The following DPP10 variants were observed in gnomAD, a reference collection of about 807,000 sequenced individuals.
DPP10 encodes the protein inactive dipeptidyl peptidase 10.
A neutral mutation model predicts 120.9 loss-of-function variants in DPP10; 33 were observed. That is an observed-to-expected ratio of 0.27 (90% CI 0.21 to 0.37). The LOEUF (loss-of-function observed/expected upper bound fraction) is 0.37. Among genes scored for constraint, DPP10 ranks in the 10% least tolerant of loss-of-function variants. The probability of loss-of-function intolerance (pLI) is 1.00; values close to 1 mark genes in which losing one functional copy is unlikely to be tolerated. For synonymous variants in DPP10, 337 were observed against 326.1 expected (o/e 1.03, Z -0.36); for missense variants, 816 against 942.8 (o/e 0.87, Z 1.76).
intron 1 of DPP10, among the ~76,000 whole-genome samples, chr2:114,600,561 A>C (rs1692277822): frequency 6.6e-6 from 1 of 151,824 alleles, no homozygotes; most frequent in Admixed American, 6.6e-5. Flanking sequence ...TGGTTATGAA[A>C]GAAATCAAGG....
At chr2:114,672,286 A>C (rs576315232) in intron 1 of DPP10, among the ~76,000 whole-genome samples, 1 of 152,296 alleles carries the variant, frequency 6.6e-6, no homozygotes, top group Non-Finnish European at 1.5e-5. Context: ...AAAAAAGAGC[A>C]CTTGGAAGAA....
chr2:115,566,361 T>A lies in DPP10; in HGVS notation c.441+40389T>A, dbSNP rs540951414. Reference sequence around the variant, plus strand: ...TTTTTTCTATATGGTGGTTTTTCTCTTCATTTTTTTCTATGCTAATTAATT... The same window carrying A: ...TTTTTTCTATATGGTGGTTTTTCTCATCATTTTTTTCTATGCTAATTAATT... On this transcript the variant is annotated intron_variant, in intron 5 of 25. Transcript: ENST00000410059. Among the ~76,000 whole-genome samples the A allele has an allele frequency of 1.6e-4, 24 of 152,196 alleles. 1 individual carries two copies. Among genetic ancestry groups the A allele is most frequent in the South Asian group, 4.1e-4 (2 of 4,832 alleles).
chr2:115,441,430 T>C lies in DPP10; in HGVS notation c.272-58080T>C, dbSNP rs2072036118. Reference sequence around the variant, plus strand: ...GGGGGATGAAGTTGGAAAGGACTTTTTATGTGACCTAGAATCATCTGTTTG... The same window carrying C: ...GGGGGATGAAGTTGGAAAGGACTTTCTATGTGACCTAGAATCATCTGTTTG... On this transcript the variant is annotated intron_variant, in intron 3 of 25. Coordinates refer to ENST00000410059, the MANE Select transcript of DPP10 (RefSeq NM_020868.6). 2.0e-5 allele frequency among the ~76,000 whole-genome samples: 3 copies of C among 152,318 alleles called. 1 individual carries two copies. The highest frequency in any genetic ancestry group is 7.2e-5 in the African/African-American group (3 of 41,578).
intron 1 of DPP10, among the ~76,000 whole-genome samples, chr2:115,279,413 C>A (rs1314687789): frequency 6.6e-6 from 1 of 151,984 alleles, no homozygotes; most frequent in Non-Finnish European, 1.5e-5. Flanking sequence ...ACTCAAAATG[C>A]CTAGCATGAA....
chr2:115,433,549 A>G (rs1002764777), intron 3 of DPP10, among the ~76,000 whole-genome samples: 1 of 152,034 alleles, frequency 6.6e-6, no homozygotes, highest in Non-Finnish European at 1.5e-5. Flanking sequence ...CATAAGCAAG[A>G]TACCATTCTC....
intron 3 of DPP10, among the ~76,000 whole-genome samples, chr2:115,374,711 T>A (rs553596851): frequency 1.3e-5 from 2 of 152,352 alleles, no homozygotes; most frequent in South Asian, 4.1e-4. Context: ...TCATCTCTTG[T>A]CTTCTGCACA....
intron 3 of DPP10, among the ~76,000 whole-genome samples, chr2:115,414,551 T>G (rs146205335): frequency 6.6e-6 from 1 of 152,186 alleles, no homozygotes; most frequent in African/African-American, 2.4e-5. Flanking sequence ...TGTATATTTT[T>G]ATGAAACTGA....
chr2:115,790,959 T>G, intron 17 of DPP10, 122 bp from the exon 18 acceptor site: 1 of 579,070 alleles, frequency 1.7e-6, no homozygotes. Context: ...AAAAGAGAAA[T>G]GATGAGTTAA....
intron 1 of DPP10, among the ~76,000 whole-genome samples, chr2:114,659,958 TCA>T (rs1697269050): frequency 6.6e-6 from 1 of 152,192 alleles, no homozygotes; most frequent in Non-Finnish European, 1.5e-5. Flanking sequence ...AGATTCTCTC[TCA>T]CAGTCTTCAG....
chr2:115,309,023 C>T (rs975454), intron 1 of DPP10, among the ~76,000 whole-genome samples: 28,767 of 151,916 alleles, frequency 0.19, 3,042 homozygotes, highest in East Asian at 0.35. Context: ...AAGCATAAAA[C>T]GCTGCTGGTT....
At chr2:114,912,187 C>A (rs1299161087) in intron 1 of DPP10, among the ~76,000 whole-genome samples, 3 of 151,988 alleles carry the variant, frequency 2.0e-5, no homozygotes, top group Admixed American at 6.6e-5. Flanking sequence ...AGAGTAAGAA[C>A]CAAGGAGACT....
At chr2:115,499,666 G>T in intron 4 of DPP10, 62 bp downstream of exon 4, 1 of 1,234,306 alleles carries the variant, frequency 8.1e-7, no homozygotes, top group Non-Finnish European at 1.1e-6. Flanking sequence ...CTCTCTAGAT[G>T]TACATAACTT....
At chr2:114,731,814 G>A (rs1676947862) in intron 1 of DPP10, among the ~76,000 whole-genome samples, 1 of 152,052 alleles carries the variant, frequency 6.6e-6, no homozygotes, top group African/African-American at 2.4e-5. Flanking sequence ...CAACAGGTTG[G>A]GATTTCTAAT....
At chr2:114,554,495 T>C (rs1688134831) in intron 1 of DPP10, among the ~76,000 whole-genome samples, 1 of 152,226 alleles carries the variant, frequency 6.6e-6, no homozygotes, top group Admixed American at 6.5e-5. Context: ...GAAGATAACC[T>C]ACCTATTACC....
intron 5 of DPP10, among the ~76,000 whole-genome samples, chr2:115,541,669 T>G (rs1302469296): frequency 6.6e-6 from 1 of 151,912 alleles, no homozygotes; most frequent in East Asian, 1.9e-4. Context: ...CATGATCTTT[T>G]TATGTTAAAA....
At chr2:114,802,900 A>G (rs1365400854) in intron 1 of DPP10, among the ~76,000 whole-genome samples, 3 of 152,236 alleles carry the variant, frequency 2.0e-5, no homozygotes, top group Non-Finnish European at 4.4e-5. Flanking sequence ...TCACATTAAC[A>G]TAAATGTTCA....
chr2:115,378,555 G>A (rs1218153153), intron 3 of DPP10, among the ~76,000 whole-genome samples: 49 of 150,954 alleles, frequency 3.2e-4, no homozygotes, highest in Admixed American at 1.6e-3. Context: ...TCCTTCTCCT[G>A]CCTAATTGCC....
intron 5 of DPP10, among the ~76,000 whole-genome samples, chr2:115,612,592 A>G (rs2149255289): frequency 6.6e-6 from 1 of 152,284 alleles, no homozygotes; most frequent in Admixed American, 6.5e-5. Context: ...CCAAAATGTA[A>G]TAAATGAGAA....
intron 1 of DPP10, among the ~76,000 whole-genome samples, chr2:114,493,884 T>A (rs1445061768): frequency 3.3e-5 from 5 of 152,138 alleles, no homozygotes; most frequent in Non-Finnish European, 1.5e-5. Flanking sequence ...TCAGGATACC[T>A]GGCCTCTACT....
Sources: gnomAD v4.1 joint callset for allele counts (sites outside exome capture counted in the v4.1 genomes callset) on GRCh38, gnomAD v4.1.1 for gene constraint, MANE v1.5 for transcripts, NCBI Gene and HGNC (gene_info 2026-07-23, HGNC 2026-07-21) for gene names.